HIKESHI: variants seen among roughly 807,000 people sequenced by gnomAD.
HIKESHI encodes heat shock protein nuclear import factor hikeshi.
A neutral mutation model predicts 25.7 loss-of-function variants in HIKESHI; 13 were observed. The ratio of observed to expected loss-of-function variants is 0.51; its 90% confidence interval spans 0.33 to 0.80. The LOEUF is 0.80. HIKESHI is among the 30% of genes least tolerant of loss of function. The probability of loss-of-function intolerance (pLI) is 0.02; values close to 1 mark genes in which losing one functional copy is unlikely to be tolerated. For missense variants in HIKESHI, 174 were observed against 229.5 expected (o/e 0.76, Z 1.56); for synonymous variants, 76 against 78.7 (o/e 0.97, Z 0.18).
chr11:86,309,378 T>C (rs755575398), intron 2 of HIKESHI, among the ~76,000 whole-genome samples: 2 of 152,346 alleles, frequency 1.3e-5, no homozygotes, highest in Non-Finnish European at 2.9e-5. Context: ...TTTTGAGAAG[T>C]GTGTGTTCAT....
At chr11:86,309,291 G>T (rs2138303904) in intron 2 of HIKESHI, among the ~76,000 whole-genome samples, 1 of 152,214 alleles carries the variant, frequency 6.6e-6, no homozygotes, top group South Asian at 2.1e-4. Flanking sequence ...TCTCATTGTG[G>T]TTTTGATTTG....
chr11:86,327,727 T>C (rs1224770613), intron 2 of HIKESHI, among the ~76,000 whole-genome samples: 2 of 152,220 alleles, frequency 1.3e-5, no homozygotes, highest in African/African-American at 4.8e-5. Flanking sequence ...AGGTATATGT[T>C]ATATGGCAAT....
intron 2 of HIKESHI, among the ~76,000 whole-genome samples, chr11:86,336,534 CCTTCACCAGATA>C (rs1947566131): frequency 6.6e-6 from 1 of 152,128 alleles, no homozygotes; most frequent in Non-Finnish European, 1.5e-5. Flanking sequence ...AGAAAATGGT[CCTTCACCAGATA>C]CCAAATCTGC....
At chr11:86,343,895 G>C (rs1947798813) in intron 3 of HIKESHI, 1 of 152,214 alleles carries the variant, frequency 6.6e-6, no homozygotes, top group South Asian at 2.1e-4. Context: ...TTTAGGGTTA[G>C]TACTTAAGCC....
chr11:86,326,089 G>T (rs182939299), intron 2 of HIKESHI, among the ~76,000 whole-genome samples: 434 of 152,208 alleles, frequency 2.9e-3, no homozygotes, highest in African/African-American at 0.01. Flanking sequence ...CTTGAGGTCA[G>T]GAGTTCAAGA....
chr11:86,337,958 C>T (rs1947615907), intron 3 of HIKESHI, among the ~76,000 whole-genome samples: 1 of 152,154 alleles, frequency 6.6e-6, no homozygotes, highest in African/African-American at 2.4e-5. Flanking sequence ...CCACCACACC[C>T]AGCCTATATT....
chr11:86,321,091 T>C (rs892095785), intron 2 of HIKESHI, among the ~76,000 whole-genome samples: 3 of 151,980 alleles, frequency 2.0e-5, no homozygotes, highest in Non-Finnish European at 2.9e-5. Context: ...TGCACCACCA[T>C]GCCTGGCTAA....
chr11:86,340,381 G>A (rs1009364788), intron 3 of HIKESHI, among the ~76,000 whole-genome samples: 19 of 152,152 alleles, frequency 1.2e-4, no homozygotes, highest in Admixed American at 1.3e-4. Context: ...GTGTAAAAGC[G>A]TTCCTATTTC....
chr11:86,339,982 T>C (rs577048904), intron 3 of HIKESHI, among the ~76,000 whole-genome samples: 1 of 146,778 alleles, frequency 6.8e-6, no homozygotes, highest in South Asian at 2.4e-4. Flanking sequence ...TTCCCACCTA[T>C]GAGTGAGGAC....
intron 1 of HIKESHI, among the ~76,000 whole-genome samples, chr11:86,302,889 GT>G (rs1428330569): frequency 1.3e-5 from 2 of 152,162 alleles, no homozygotes; most frequent in African/African-American, 4.8e-5. Context: ...TTAACTTGAG[GT>G]AGAGGTGAAT....
intron 2 of HIKESHI, among the ~76,000 whole-genome samples, chr11:86,309,556 C>T (rs1261224888): frequency 1.3e-5 from 2 of 152,138 alleles, no homozygotes; most frequent in Non-Finnish European, 2.9e-5. Flanking sequence ...TTTTGCTGTG[C>T]AGAAGTTCTT....
At chr11:86,314,238 CG>C (rs1946912545) in intron 2 of HIKESHI, among the ~76,000 whole-genome samples, 1 of 152,110 alleles carries the variant, frequency 6.6e-6, no homozygotes, top group Non-Finnish European at 1.5e-5. Context: ...TGCTCTGAGG[CG>C]TCTGTGAAGA....
intron 2 of HIKESHI, among the ~76,000 whole-genome samples, chr11:86,312,131 C>T (rs1266649335): frequency 3.9e-5 from 6 of 152,084 alleles, no homozygotes; most frequent in African/African-American, 1.2e-4. Flanking sequence ...CTTTCTGTCT[C>T]GTTGATCTGT....
chr11:86,302,409 G>A lies in HIKESHI; in HGVS notation c.-40G>A. 1 of 1,551,272 alleles carries A rather than the reference G, an allele frequency of 6.4e-7. No homozygotes were observed. Among genetic ancestry groups the A allele is most frequent in the Non-Finnish European group, 8.7e-7 (1 of 1,146,954 alleles). ...AGTAGCCCCAGGACTCCTAGTCGCCGGCTTCAGGTCACTGCCGGCTGAACG... is the reference window on the plus strand; with the variant it reads ...AGTAGCCCCAGGACTCCTAGTCGCCAGCTTCAGGTCACTGCCGGCTGAACG... On this transcript the variant is annotated 5_prime_UTR_variant, in exon 1 of 5. Coordinates refer to ENST00000278483, the MANE Select transcript of HIKESHI (RefSeq NM_016401.4).
At chr11:86,305,786 G>A (rs2138281804) in intron 1 of HIKESHI, among the ~76,000 whole-genome samples, 1 of 151,602 alleles carries the variant, frequency 6.6e-6, no homozygotes, top group Admixed American at 6.6e-5. Flanking sequence ...TGTTGCCCAG[G>A]CTGGAGTGCA....
At chr11:86,312,289 G>A (rs1946855405) in intron 2 of HIKESHI, among the ~76,000 whole-genome samples, 1 of 152,130 alleles carries the variant, frequency 6.6e-6, no homozygotes, top group South Asian at 2.1e-4. Context: ...TCTTCTTGTT[G>A]TATTGATCCC....
At chr11:86,305,608 ACTC>A (rs1363843309) in intron 1 of HIKESHI, among the ~76,000 whole-genome samples, 1 of 146,634 alleles carries the variant, frequency 6.8e-6, no homozygotes, top group East Asian at 2.1e-4. Context: ...CTGGTTTCGA[ACTC>A]CTGACGTCGT....
chr11:86,344,501 C>T (rs890821202), intron 3 of HIKESHI, 102 bp from the exon 4 acceptor site: 13 of 728,052 alleles, frequency 1.8e-5, no homozygotes, highest in Non-Finnish European at 2.9e-5. Flanking sequence ...AGAACTGACA[C>T]TCCCTATAAA....
rs572182702 is a variant in HIKESHI at position 86,312,143 on chromosome 11, T to C, written c.268+5661T>C. On this transcript the variant is annotated intron_variant, in intron 2 of 4. Transcript: ENST00000278483. The stretch of plus-strand genomic sequence containing the variant: ...TAACTTTCTGTCTCGTTGATCTGTC[T>C]AATGTTGACAGTGGGGTGTTAAAGT... Among the ~76,000 whole-genome samples the C allele has an allele frequency of 1.2e-4, 18 of 152,330 alleles. No individual in the cohort carries two copies. In the South Asian group the frequency reaches 3.5e-3, roughly 30 times the overall value.
Sources: gnomAD v4.1 joint callset for allele counts (sites outside exome capture counted in the v4.1 genomes callset) on GRCh38, gnomAD v4.1.1 for gene constraint, MANE v1.5 for transcripts, NCBI Gene and HGNC (gene_info 2026-07-23, HGNC 2026-07-21) for gene names.